The following TMEM11 variants were observed in gnomAD, a reference collection of about 807,000 sequenced individuals.
The protein encoded by TMEM11 is transmembrane protein 11, mitochondrial.
In TMEM11, 1 loss-of-function variant was observed where a neutral mutation model predicts 17.0. The observed-to-expected ratio is 0.06, with a 90% CI of 0.02 to 0.28. The LOEUF is 0.28. TMEM11 is among the 10% of genes least tolerant of loss of function. TMEM11 has a pLI of 1.00. For synonymous variants in TMEM11, 122 were observed against 118.1 expected (o/e 1.03, Z -0.21); for missense variants, 172 against 252.9 (o/e 0.68, Z 2.17).
In TMEM11 at chr17:21,211,014, A is replaced by C. The variant is rs148588594; in HGVS notation, c.62+3077T>G. 8.8e-5 allele frequency: 114 copies of C among 1,289,860 alleles called. No homozygotes were observed. The African/African-American group carries it at 1.6e-3, about 18-fold the overall frequency. The allele number at this position is 1,289,860 out of a possible 1,614,324, so 79.9% of individuals were successfully genotyped here. On this transcript the variant is annotated intron_variant, in intron 1 of 1. Transcript: ENST00000317635. ...GCCGAGCAGCCCAAGTAAGACAGGC[A>C]GGGCTGTCTGTGAGCTGGTCCGGGC...
At chr17:21,199,328 G>GAAAAAA (rs58031189) in intron 1 of TMEM11, among the ~76,000 whole-genome samples, 923 of 78,258 alleles carry the variant, frequency 0.012, 55 homozygotes, top group African/African-American at 0.041. Flanking sequence ...CTCAGTCTCA[G>GAAAAAA]AAAAAAAAAA....
intron 1 of TMEM11, among the ~76,000 whole-genome samples, chr17:21,206,049 G>A (rs546231562): frequency 2.0e-5 from 1 of 49,588 alleles, no homozygotes; most frequent in Non-Finnish European, 3.7e-5. Flanking sequence ...GCTTTTTTTG[G>A]GGGGGGGGTA....
chr17:21,204,553 T>C (rs533534809), intron 1 of TMEM11, among the ~76,000 whole-genome samples: 2 of 151,556 alleles, frequency 1.3e-5, no homozygotes, highest in East Asian at 1.9e-4. Flanking sequence ...CAGTATGCTA[T>C]ACGTAGTGTA....
chr17:21,204,157 G>C (rs1974916238), intron 1 of TMEM11, among the ~76,000 whole-genome samples: 1 of 150,552 alleles, frequency 6.6e-6, no homozygotes, highest in South Asian at 2.1e-4. Context: ...AAAGTGGCCA[G>C]GTGCAGTGGC....
In TMEM11 at chr17:21,198,228, G is replaced by T. The variant is rs2144283910; in HGVS notation, c.*96C>A. On this transcript the variant is annotated 3_prime_UTR_variant, in exon 2 of 2. Transcript: ENST00000317635. This position sits in a 1 kb window ranked among gnomAD's most constrained non-coding sequence, Gnocchi z 6.5. Reference sequence around the variant, plus strand: ...ATAACAAATACTAAGCCAAACACCTGCCCAGGCTCTGCTGCCTCACAGAGT... The same window carrying T: ...ATAACAAATACTAAGCCAAACACCTTCCCAGGCTCTGCTGCCTCACAGAGT... The T allele has an allele frequency of 6.9e-7, 1 of 1,452,160 alleles. No individual in the cohort carries two copies. Among genetic ancestry groups the T allele is most frequent in the East Asian group, 2.3e-5 (1 of 43,682 alleles). The allele number at this position is 1,452,160 out of a possible 1,614,324, so 90.0% of individuals were successfully genotyped here.
At chr17:21,203,960 C>CTT (rs1974911898) in intron 1 of TMEM11, among the ~76,000 whole-genome samples, 1 of 26,486 alleles carries the variant, frequency 3.8e-5, no homozygotes, top group Non-Finnish European at 7.9e-5. Context: ...CTTTTTTTTT[C>CTT]CTTTTTTTTT....
At chr17:21,203,290 T>G (rs113241425) in intron 1 of TMEM11, among the ~76,000 whole-genome samples, 1 of 152,108 alleles carries the variant, frequency 6.6e-6, no homozygotes, top group African/African-American at 2.4e-5. Context: ...CAGTCAGCAC[T>G]CCAACTTCCT....
chr17:21,213,899 TC>T (rs1322477721), intron 1 of TMEM11, 191 bp downstream of exon 1: 2 of 591,848 alleles, frequency 3.4e-6, no homozygotes, highest in African/African-American at 3.9e-5. Flanking sequence ...CCCTAAGCTC[TC>T]CGCCGAGGCC....
intron 1 of TMEM11, chr17:21,211,321 C>T: frequency 1.1e-6 from 1 of 917,006 alleles, no homozygotes; most frequent in Non-Finnish European, 1.5e-6. Flanking sequence ...CAGCACTGTC[C>T]ATATCATAAC....
At chr17:21,208,462 G>C (rs1003703036) in intron 1 of TMEM11, 1 of 152,080 alleles carries the variant, frequency 6.6e-6, no homozygotes, top group Non-Finnish European at 1.5e-5. Context: ...GAACCTTCTC[G>C]GTGTCCATGA....
chr17:21,210,077 A>G (rs913315643), intron 1 of TMEM11, among the ~76,000 whole-genome samples: 4 of 152,198 alleles, frequency 2.6e-5, no homozygotes, highest in Admixed American at 2.0e-4. Flanking sequence ...GTGCACACCG[A>G]CAAGCCGGGG....
chr17:21,210,798 G>T, intron 1 of TMEM11: 1 of 926,404 alleles, frequency 1.1e-6, no homozygotes, highest in Non-Finnish European at 1.4e-6. Flanking sequence ...ATAACTTCGC[G>T]CTAAACCTGA....
chr17:21,199,470 G>C (rs901862998), intron 1 of TMEM11, among the ~76,000 whole-genome samples: 10 of 152,208 alleles, frequency 6.6e-5, no homozygotes, highest in Middle Eastern at 6.8e-3. Context: ...GGGAAAGAAC[G>C]ATTCGGCACA....
intron 1 of TMEM11, among the ~76,000 whole-genome samples, chr17:21,212,682 C>T (rs898194289): frequency 9.9e-5 from 15 of 152,206 alleles, no homozygotes; most frequent in Middle Eastern, 3.4e-3. Context: ...GCTCCTGTTC[C>T]CTGCCTGAGG....
chr17:21,208,773 C>T (rs1012931262), intron 1 of TMEM11, among the ~76,000 whole-genome samples: 2 of 152,172 alleles, frequency 1.3e-5, no homozygotes, highest in African/African-American at 4.8e-5. Flanking sequence ...CAGCACTGGG[C>T]CTGAATGTAA....
At chr17:21,203,975 T>C (rs1199564987) in intron 1 of TMEM11, among the ~76,000 whole-genome samples, 1 of 144,224 alleles carries the variant, frequency 6.9e-6, no homozygotes, top group African/African-American at 2.5e-5. Flanking sequence ...TTTTTTTTTT[T>C]TTTAAATTAT....
chr17:21,212,745 T>C (rs950907394), intron 1 of TMEM11, among the ~76,000 whole-genome samples: 16 of 152,244 alleles, frequency 1.1e-4, no homozygotes, highest in African/African-American at 3.9e-4. Flanking sequence ...AGGGCGTATG[T>C]TTCTAATACT....
At chr17:21,205,374 G>C (rs1489274379) in intron 1 of TMEM11, among the ~76,000 whole-genome samples, 4 of 152,174 alleles carry the variant, frequency 2.6e-5, no homozygotes, top group African/African-American at 7.2e-5. Flanking sequence ...TAAGGCGGCA[G>C]AGCTCAGGGA....
At chr17:21,206,562 G>A (rs1974945151) in intron 1 of TMEM11, among the ~76,000 whole-genome samples, 3 of 151,856 alleles carry the variant, frequency 2.0e-5, no homozygotes, top group Non-Finnish European at 2.9e-5. Flanking sequence ...TGGAGACGGA[G>A]TTTCACTCTT....
Sources: gnomAD v4.1 joint callset for allele counts (sites outside exome capture counted in the v4.1 genomes callset) on GRCh38, gnomAD v4.1.1 for gene constraint, Gnocchi (gnomAD v3.1) non-coding constraint, MANE v1.5 for transcripts, NCBI Gene and HGNC (gene_info 2026-07-23, HGNC 2026-07-21) for gene names.